RASSF5: variants seen among roughly 807,000 people sequenced by gnomAD.
RASSF5 encodes the protein ras association domain-containing protein 5.
A neutral mutation model predicts 40.5 loss-of-function variants in RASSF5; 25 were observed. That is an observed-to-expected ratio of 0.62 (90% CI 0.45 to 0.86). The LOEUF (loss-of-function observed/expected upper bound fraction) is 0.86, where lower values mean the gene tolerates loss of function less well. RASSF5 is among the 40% of genes least tolerant of loss of function. The pLI is 0.00. For missense variants in RASSF5, 521 were observed against 572.8 expected (o/e 0.91, Z 0.92); for synonymous variants, 246 against 252.4 (o/e 0.97, Z 0.24).
chr1:206,579,112 A>T lies in RASSF5; in HGVS notation c.580-4157A>T, dbSNP rs1411495929. Among the ~76,000 whole-genome samples the T allele has an allele frequency of 6.6e-6, 1 of 152,080 alleles. No individual in the cohort carries two copies. The highest frequency in any genetic ancestry group is 1.5e-5 in the Non-Finnish European group (1 of 68,016). ...ATCACCTCCAGAGCTAAAAGAAGAC[A>T]TTGCCCTTTTCCACCGCATAGGACA... On this transcript the variant is annotated intron_variant, in intron 2 of 5. Transcript: ENST00000579436. This position sits in a 1 kb window ranked among gnomAD's most constrained non-coding sequence, Gnocchi z 4.2.
At chr1:206,527,873 T>C (rs1667136411) in intron 1 of RASSF5, among the ~76,000 whole-genome samples, 1 of 152,132 alleles carries the variant, frequency 6.6e-6, no homozygotes, top group Admixed American at 6.5e-5. Flanking sequence ...AATGGGCTGT[T>C]GAGGAGCAGC....
intron 1 of RASSF5, among the ~76,000 whole-genome samples, chr1:206,515,828 G>C (rs1553395327): frequency 1.3e-5 from 2 of 152,164 alleles, no homozygotes; most frequent in East Asian, 3.8e-4. Context: ...TGGAGACTTG[G>C]TGGTCTCTGC....
At position 206,584,256 on chromosome 1, in the gene RASSF5, T is replaced by C; in HGVS notation, c.691-131T>C. 1.2e-6 allele frequency: 1 copy of C among 850,124 alleles called. No individual in the cohort carries two copies. Among genetic ancestry groups the C allele is most frequent in the Non-Finnish European group, 1.8e-6 (1 of 554,856 alleles). The allele number at this position is 850,124 out of a possible 1,614,324, so 52.7% of individuals were successfully genotyped here. A position where few individuals can be genotyped will look rare whatever the true frequency, so the allele number is the denominator to read the frequency against. ...GGATCTCTGCTCCTTCCTCCAGCTC[T>C]CCCACGTCAGCAGAGGCAGGAAAGA... On this transcript the variant is annotated intron_variant, in intron 3 of 5. Coordinates refer to ENST00000579436, the MANE Select transcript of RASSF5 (RefSeq NM_182663.4). The surrounding 1 kb of genome is among the most constrained non-coding windows in gnomAD (Gnocchi z 4.9).
chr1:206,533,705 T>C (rs1558502743), intron 1 of RASSF5, among the ~76,000 whole-genome samples: 2 of 151,880 alleles, frequency 1.3e-5, no homozygotes, highest in Non-Finnish European at 2.9e-5. Flanking sequence ...TAGTGAGCTA[T>C]GGTCATGCCA....
At chr1:206,564,253 G>C (rs868935570) in intron 2 of RASSF5, among the ~76,000 whole-genome samples, 4 of 152,108 alleles carry the variant, frequency 2.6e-5, no homozygotes, top group African/African-American at 7.2e-5. Context: ...CCCTAGGGAG[G>C]GGTCAGAGAG....
intron 1 of RASSF5, among the ~76,000 whole-genome samples, chr1:206,508,322 C>CCACACACACACACACA (rs368124193): frequency 2.3e-4 from 33 of 146,624 alleles, no homozygotes; most frequent in African/African-American, 7.3e-4. Context: ...CCTTGGCCCT[C>CCACACACACACACACA]CACACACACA....
At chr1:206,550,246 T>C (rs1485332957) in intron 2 of RASSF5, among the ~76,000 whole-genome samples, 1 of 152,222 alleles carries the variant, frequency 6.6e-6, no homozygotes, top group African/African-American at 2.4e-5. Flanking sequence ...TTTTTTTGGT[T>C]GTTTTAATCA....
intron 1 of RASSF5, among the ~76,000 whole-genome samples, chr1:206,523,648 AT>A (rs1224922639): frequency 5.0e-5 from 5 of 100,736 alleles, no homozygotes; most frequent in Non-Finnish European, 7.4e-5. Flanking sequence ...TATATAATAT[AT>A]TTATATAAAA....
At chr1:206,526,313 G>T (rs561216005) in intron 1 of RASSF5, among the ~76,000 whole-genome samples, 1 of 122,600 alleles carries the variant, frequency 8.2e-6, no homozygotes. Flanking sequence ...GGCTGGGGTT[G>T]TGTGGAGGGA....
chr1:206,527,338 G>A (rs979172927), intron 1 of RASSF5, among the ~76,000 whole-genome samples: 1 of 152,178 alleles, frequency 6.6e-6, no homozygotes, highest in Non-Finnish European at 1.5e-5. Flanking sequence ...TAGGGAGGGG[G>A]TTTGCAGAGG....
At chr1:206,571,666 G>T (rs1272176784) in intron 2 of RASSF5, among the ~76,000 whole-genome samples, 1 of 152,180 alleles carries the variant, frequency 6.6e-6, no homozygotes, top group Non-Finnish European at 1.5e-5. Context: ...GATAAGAGTG[G>T]GTATCCCAAA....
intron 2 of RASSF5, among the ~76,000 whole-genome samples, chr1:206,554,272 C>T (rs1422342565): frequency 6.6e-6 from 1 of 152,188 alleles, no homozygotes; most frequent in Admixed American, 6.5e-5. Context: ...CCATATCAAG[C>T]TGGAGTTGGA....
intron 2 of RASSF5, among the ~76,000 whole-genome samples, chr1:206,563,164 G>A (rs1668193550): frequency 1.3e-5 from 2 of 152,096 alleles, no homozygotes; most frequent in Admixed American, 1.3e-4. Flanking sequence ...TTGCAACCAC[G>A]GGCCATTGGC....
Position 206,513,027 on chromosome 1 carries a change from G to A in RASSF5, c.457+4968G>A, listed in dbSNP as rs74148003. ...GACAGTGGTAAAGTTAGAACCTCTC[G>A]GGCGGGCCTCATTCTGACAGGTCTT... On this transcript the variant is annotated intron_variant, in intron 1 of 5. Transcript: ENST00000579436. This position sits in a 1 kb window ranked among gnomAD's most constrained non-coding sequence, Gnocchi z 5.0. Among the ~76,000 whole-genome samples, 3,115 of 152,284 alleles carry A rather than the reference G, an allele frequency of 0.02. 87 individuals are homozygous for A. Among genetic ancestry groups the A allele is most frequent in the African/African-American group, 0.053 (2,189 of 41,532 alleles).
chr1:206,524,852 T>G (rs1667057489), intron 1 of RASSF5, among the ~76,000 whole-genome samples: 1 of 150,940 alleles, frequency 6.6e-6, no homozygotes, highest in Admixed American at 6.7e-5. Flanking sequence ...ATAATACACA[T>G]GCACACATAC....
At position 206,586,953 on chromosome 1, in the gene RASSF5, G is replaced by A; in HGVS notation, c.1232G>A (p.Arg411Lys). 1.9e-6 allele frequency: 3 copies of A among 1,614,218 alleles called. No homozygotes were observed. Among genetic ancestry groups the A allele is most frequent in the Non-Finnish European group, 2.5e-6 (3 of 1,180,008 alleles). ...KFRQKLEEAL[R>K]ESQGKPG is the part of the protein sequence containing the mutation. The stretch of plus-strand genomic sequence containing the variant: ...AGGCAGAAACTGGAGGAGGCCTTAA[G>A]AGAATCCCAGGGCAAACCTGGGTAA... Residue 411 changes from arginine to lysine, a missense_variant, in exon 6 of 6, where the codon AGA (arginine) becomes AAA (lysine). Physicochemically the swap from Arg to Lys is conservative, Grantham distance 26 (BLOSUM62 2). Around this residue, in one of 2 missense-constraint regions of RASSF5, gnomAD observed 284 missense variants for 360.8 expected, o/e 0.79. Coordinates refer to ENST00000579436, the MANE Select transcript of RASSF5 (RefSeq NM_182663.4).
At position 206,552,340 on chromosome 1, in the gene RASSF5, G is replaced by A. The variant is rs541820502; in HGVS notation, c.579+14047G>A. On this transcript the variant is annotated intron_variant, in intron 2 of 5. Transcript: ENST00000579436. This position sits in a 1 kb window ranked among gnomAD's most constrained non-coding sequence, Gnocchi z 4.1. ...TGGTTAAGGATGCTTCTCAGAGTCA[G>A]ATGGAAGGTGTGGGAGGTATGGATG... Among the ~76,000 whole-genome samples the A allele has an allele frequency of 1.3e-5, 2 of 152,362 alleles. No homozygotes were observed. Among genetic ancestry groups the A allele is most frequent in the African/African-American group, 4.8e-5 (2 of 41,582 alleles).
chr1:206,580,924 A>C lies in RASSF5; in HGVS notation c.580-2345A>C, dbSNP rs139344472. 2.0e-5 allele frequency: 3 copies of C among 152,372 alleles called. No individual in the cohort carries two copies. The East Asian group carries it at 5.8e-4, about 29-fold the overall frequency. 9.4% of individuals were successfully genotyped at this position (152,372 alleles called of 1,614,324 possible). On this transcript the variant is annotated intron_variant, in intron 2 of 5. Transcript: ENST00000579436. ...ATCTTAGATGAACATTTCACAGATCAGGTAACTTACAGGCTTTGGTTTAAC... is the reference window on the plus strand; with the variant it reads ...ATCTTAGATGAACATTTCACAGATCCGGTAACTTACAGGCTTTGGTTTAAC...
intron 5 of RASSF5, chr1:206,586,515 GGTGGTTCC>G (rs1669116500): frequency 3.8e-6 from 1 of 260,680 alleles, no homozygotes; most frequent in Non-Finnish European, 7.4e-6. Context: ...TGGGAGGCTG[GGTGGTTCC>G]AGCATCACTG....
Sources: allele counts gnomAD v4.1 joint callset (sites outside exome capture counted in the v4.1 genomes callset), GRCh38; gene constraint gnomAD v4.1.1; regional missense constraint gnomAD v4.1.1; non-coding constraint Gnocchi (gnomAD v3.1); transcripts MANE v1.5; gene names NCBI Gene and HGNC (gene_info 2026-07-23, HGNC 2026-07-21).